Variants in ELOVL6 observed in about 807,000 individuals in gnomAD.
ELOVL6 encodes very long chain fatty acid elongase 6.
Under a neutral mutation model 31.7 loss-of-function variants are expected in ELOVL6, and 8 were observed. The ratio of observed to expected loss-of-function variants is 0.25; its 90% CI spans 0.15 to 0.45. ELOVL6 has a LOEUF of 0.45. Ranked by LOEUF, ELOVL6 falls within the 20% of genes least tolerant of loss-of-function variation. ELOVL6 has a pLI of 1.00. For missense variants in ELOVL6, 126 were observed against 326.4 expected, an observed-to-expected ratio of 0.39 and a Z score of 4.73; for synonymous variants, 101 against 117.7, an observed-to-expected ratio of 0.86 and a Z score of 0.92.
chr4:110,159,637 G>A (rs1291402070), intron 1 of ELOVL6, among the ~76,000 whole-genome samples: 1 of 152,036 alleles, frequency 6.6e-6, no homozygotes, highest in Non-Finnish European at 1.5e-5. Flanking sequence ...GCATCTTGGT[G>A]TTTTTCACTT....
chr4:110,094,747 G>A (rs1756530259), intron 2 of ELOVL6, among the ~76,000 whole-genome samples: 1 of 151,922 alleles, frequency 6.6e-6, no homozygotes. Flanking sequence ...CTTGATGCAT[G>A]TATGCATGTT....
chr4:110,061,721 T>G (rs1363050530), intron 2 of ELOVL6, among the ~76,000 whole-genome samples: 15 of 152,002 alleles, frequency 9.9e-5, no homozygotes, highest in Non-Finnish European at 2.1e-4. Context: ...CATGCCAGGC[T>G]AATTTTTTGT....
chr4:110,174,769 C>G (rs1431994268), intron 1 of ELOVL6, among the ~76,000 whole-genome samples: 1 of 152,114 alleles, frequency 6.6e-6, no homozygotes, highest in African/African-American at 2.4e-5. Flanking sequence ...ATAACATGAC[C>G]TTTACCTACA....
At chr4:110,083,602 T>C (rs926885381) in intron 2 of ELOVL6, among the ~76,000 whole-genome samples, 6 of 151,598 alleles carry the variant, frequency 4.0e-5, no homozygotes, top group Non-Finnish European at 7.4e-5. Flanking sequence ...CATTGGTAGG[T>C]TTTAAGCAGG....
At chr4:110,187,553 T>C (rs1341499701) in intron 1 of ELOVL6, among the ~76,000 whole-genome samples, 1 of 151,472 alleles carries the variant, frequency 6.6e-6, no homozygotes, top group Admixed American at 6.6e-5. Context: ...AAAATTAGCC[T>C]GGCATGGTGG....
chr4:110,171,444 A>G (rs1197071414), intron 1 of ELOVL6, among the ~76,000 whole-genome samples: 3 of 151,710 alleles, frequency 2.0e-5, no homozygotes, highest in African/African-American at 4.8e-5. Flanking sequence ...ATAAATAAAT[A>G]AATAGTATTA....
chr4:110,152,466 G>A (rs1758304121), intron 1 of ELOVL6, among the ~76,000 whole-genome samples: 1 of 152,186 alleles, frequency 6.6e-6, no homozygotes, highest in African/African-American at 2.4e-5. Flanking sequence ...AAAGAACAAA[G>A]GGTTCTCTCA....
At chr4:110,171,605 G>A (rs1332034443) in intron 1 of ELOVL6, among the ~76,000 whole-genome samples, 2 of 151,392 alleles carry the variant, frequency 1.3e-5, no homozygotes, top group Non-Finnish European at 2.9e-5. Flanking sequence ...ACGTAGGGAG[G>A]ACGTGGAAGC....
intron 2 of ELOVL6, among the ~76,000 whole-genome samples, chr4:110,097,251 G>A (rs1258491478): frequency 1.4e-5 from 2 of 141,442 alleles, no homozygotes; most frequent in African/African-American, 5.4e-5. Context: ...GTTGCAGTGA[G>A]CCAAGATCGT....
intron 1 of ELOVL6, among the ~76,000 whole-genome samples, chr4:110,162,821 G>A (rs1758668658): frequency 6.6e-6 from 1 of 152,124 alleles, no homozygotes; most frequent in South Asian, 2.1e-4. Flanking sequence ...CTACATACTA[G>A]TTAATAGACA....
At chr4:110,133,855 C>G (rs893304340) in intron 1 of ELOVL6, among the ~76,000 whole-genome samples, 7 of 152,194 alleles carry the variant, frequency 4.6e-5, no homozygotes, top group African/African-American at 1.7e-4. Context: ...ATGTCTATTA[C>G]TTAAAGCTTC....
At chr4:110,122,387 T>A (rs1263545455) in intron 1 of ELOVL6, among the ~76,000 whole-genome samples, 1 of 152,172 alleles carries the variant, frequency 6.6e-6, no homozygotes, top group African/African-American at 2.4e-5. Flanking sequence ...AATGCTTTTC[T>A]TTTTTTGTGG....
chr4:110,187,396 C>A (rs1013777601), intron 1 of ELOVL6, among the ~76,000 whole-genome samples: 2 of 151,122 alleles, frequency 1.3e-5, no homozygotes, highest in Non-Finnish European at 2.9e-5. Context: ...AGCATATAAC[C>A]TAACTGCTTG....
intron 1 of ELOVL6, among the ~76,000 whole-genome samples, chr4:110,107,776 T>A (rs1050377874): frequency 1.3e-5 from 2 of 152,148 alleles, no homozygotes; most frequent in Non-Finnish European, 2.9e-5. Flanking sequence ...AAGTATATAC[T>A]TTTTTTCTAA....
intron 1 of ELOVL6, among the ~76,000 whole-genome samples, chr4:110,135,363 G>T (rs759511801): frequency 2.0e-5 from 3 of 152,174 alleles, no homozygotes; most frequent in Non-Finnish European, 2.9e-5. Flanking sequence ...AATAACTTGC[G>T]TAAGTTTGCA....
chr4:110,133,924 C>T (rs1194201161), intron 1 of ELOVL6, among the ~76,000 whole-genome samples: 3 of 152,160 alleles, frequency 2.0e-5, no homozygotes, highest in East Asian at 1.9e-4. Context: ...TGTTTACATA[C>T]GTTTAGAAAA....
At chr4:110,153,262 AC>A (rs1758330267) in intron 1 of ELOVL6, among the ~76,000 whole-genome samples, 1 of 152,234 alleles carries the variant, frequency 6.6e-6, no homozygotes, top group Non-Finnish European at 1.5e-5. Context: ...TGGTACACAT[AC>A]CATTCTGCAG....
chr4:110,194,008 G>C (rs1287570922), intron 1 of ELOVL6, among the ~76,000 whole-genome samples: 2 of 152,220 alleles, frequency 1.3e-5, no homozygotes, highest in Admixed American at 1.3e-4. Context: ...TCATTGGCTA[G>C]ACAATTACAA....
chr4:110,055,283 C>T (rs1578441449), intron 3 of ELOVL6, among the ~76,000 whole-genome samples: 1 of 152,196 alleles, frequency 6.6e-6, no homozygotes, highest in Admixed American at 6.5e-5. Context: ...ATAGAGTGAC[C>T]CAGAAATGTT....
Sources: gnomAD v4.1 joint callset for allele counts (sites outside exome capture counted in the v4.1 genomes callset) on GRCh38, gnomAD v4.1.1 for gene constraint, MANE v1.5 for transcripts, NCBI Gene and HGNC (gene_info 2026-07-23, HGNC 2026-07-21) for gene names.